The following RARB variants were observed in gnomAD, a reference collection of about 807,000 sequenced individuals.
RARB encodes the protein HBV-activated protein.
In RARB, 17 loss-of-function variants were observed where a neutral mutation model predicts 51.9. The ratio of observed to expected loss-of-function variants is 0.33; its 90% CI spans 0.22 to 0.49. The LOEUF is 0.49. Among genes scored for constraint, RARB ranks in the 20% least tolerant of loss-of-function variants. RARB has a pLI of 0.99. For synonymous variants in RARB, 215 were observed against 195.4 expected (o/e 1.10, Z -0.84); for missense variants, 369 against 550.8 (o/e 0.67, Z 3.30).
chr3:24,942,198 C>G (rs938080182), intron 2 of RARB, among the ~76,000 whole-genome samples: 4 of 152,180 alleles, frequency 2.6e-5, no homozygotes, highest in Admixed American at 1.3e-4. Context: ...ACTAAAGATT[C>G]ACTTATTTTA....
intron 2 of RARB, among the ~76,000 whole-genome samples, chr3:24,972,916 A>T (rs745449090): frequency 2.0e-5 from 3 of 151,934 alleles, no homozygotes; most frequent in Non-Finnish European, 4.4e-5. Context: ...ATTTTCTCTC[A>T]TTCAATATGT....
At chr3:25,283,173 G>A (rs904070525) in intron 5 of RARB, among the ~76,000 whole-genome samples, 2 of 152,170 alleles carry the variant, frequency 1.3e-5, no homozygotes, top group Non-Finnish European at 2.9e-5. Flanking sequence ...CTGCTCACAG[G>A]ATAGTATTAA....
intron 5 of RARB, among the ~76,000 whole-genome samples, chr3:25,591,014 G>A (rs1049682448): frequency 6.6e-6 from 1 of 152,158 alleles, no homozygotes; most frequent in Non-Finnish European, 1.5e-5. Flanking sequence ...CATTGGGAAT[G>A]GCTTCATACC....
intron 3 of RARB, among the ~76,000 whole-genome samples, chr3:25,098,368 T>C (rs1699339593): frequency 6.6e-6 from 1 of 152,180 alleles, no homozygotes; most frequent in African/African-American, 2.4e-5. Flanking sequence ...ACTTAGAAGT[T>C]TGAGATCTCT....
intron 5 of RARB, among the ~76,000 whole-genome samples, chr3:25,413,061 AC>A (rs1438997732): frequency 1.3e-5 from 2 of 151,872 alleles, no homozygotes; most frequent in African/African-American, 4.8e-5. Flanking sequence ...AAAAAATATG[AC>A]CCGAACACCA....
intron 4 of RARB, among the ~76,000 whole-genome samples, chr3:25,160,714 A>G (rs1700460320): frequency 6.6e-6 from 1 of 152,286 alleles, no homozygotes; most frequent in East Asian, 1.9e-4. Context: ...ATAGCTCTGG[A>G]GGTCAGAAGT....
chr3:25,189,768 G>A (rs368277083), intron 5 of RARB, among the ~76,000 whole-genome samples: 8 of 151,934 alleles, frequency 5.3e-5, no homozygotes, highest in Admixed American at 2.6e-4. Flanking sequence ...GCCTGTAATC[G>A]CAGATACTCA....
At chr3:25,074,984 A>G (rs1453820702) in intron 3 of RARB, among the ~76,000 whole-genome samples, 1 of 152,214 alleles carries the variant, frequency 6.6e-6, no homozygotes, top group Non-Finnish European at 1.5e-5. Context: ...TCAGCAAAGA[A>G]AGTTAATTTT....
chr3:25,029,616 C>T (rs7621283), intron 2 of RARB, among the ~76,000 whole-genome samples: 129,775 of 152,190 alleles, frequency 0.85, 55,513 homozygotes, highest in East Asian at 0.91. Flanking sequence ...CTCCACGTGA[C>T]TCTGACCTAT....
At chr3:25,538,791 C>T (rs745380170) in intron 3 of RARB, among the ~76,000 whole-genome samples, 22 of 152,236 alleles carry the variant, frequency 1.4e-4, no homozygotes, top group Non-Finnish European at 2.8e-4. Flanking sequence ...GGTGCAACAC[C>T]GAATGAGATG....
At chr3:25,283,426 C>A (rs557600611) in intron 5 of RARB, among the ~76,000 whole-genome samples, 1 of 152,330 alleles carries the variant, frequency 6.6e-6, no homozygotes, top group South Asian at 2.1e-4. Context: ...CCTTCTCTAT[C>A]TCGGGCCTGA....
intron 2 of RARB, among the ~76,000 whole-genome samples, chr3:24,907,174 C>T (rs1475948030): frequency 6.6e-6 from 1 of 152,170 alleles, no homozygotes. Context: ...GGGCAAACCC[C>T]TGAGGAACCA....
At chr3:25,489,534 A>C (rs1294903124) in intron 2 of RARB, among the ~76,000 whole-genome samples, 1 of 152,222 alleles carries the variant, frequency 6.6e-6, no homozygotes, top group Non-Finnish European at 1.5e-5. Context: ...ACTCCATCAC[A>C]AAAAAAGATT....
intron 5 of RARB, among the ~76,000 whole-genome samples, chr3:25,223,196 G>A (rs961309926): frequency 1.7e-4 from 26 of 152,086 alleles, no homozygotes; most frequent in African/African-American, 6.3e-4. Flanking sequence ...CAACCACTCA[G>A]TTCCTTTCTG....
At chr3:24,938,071 G>C (rs754495396) in intron 2 of RARB, among the ~76,000 whole-genome samples, 20 of 152,106 alleles carry the variant, frequency 1.3e-4, no homozygotes, top group Non-Finnish European at 2.8e-4. Context: ...GATTTGCATG[G>C]TGGTGGTGGT....
intron 4 of RARB, among the ~76,000 whole-genome samples, chr3:25,173,113 G>T (rs1312278632): frequency 6.6e-6 from 1 of 152,112 alleles, no homozygotes; most frequent in Non-Finnish European, 1.5e-5. Context: ...CTTAATATTG[G>T]TTATCAGGGC....
chr3:25,408,162 A>G (rs1707464384), intron 5 of RARB, among the ~76,000 whole-genome samples: 1 of 152,160 alleles, frequency 6.6e-6, no homozygotes. Context: ...ACTACACTGA[A>G]CAGGCTCTGT....
chr3:25,142,996 G>T (rs1575179811), intron 4 of RARB, among the ~76,000 whole-genome samples: 1 of 152,140 alleles, frequency 6.6e-6, no homozygotes, highest in Non-Finnish European at 1.5e-5. Flanking sequence ...GAATTTTCTG[G>T]ACTATTTCTG....
chr3:24,999,310 C>G (rs907948810), intron 2 of RARB, among the ~76,000 whole-genome samples: 90 of 152,180 alleles, frequency 5.9e-4, no homozygotes, highest in African/African-American at 2.1e-3. Flanking sequence ...CTCCAAAAAC[C>G]CTTTCTACCC....
Sources: allele counts gnomAD v4.1 joint callset (sites outside exome capture counted in the v4.1 genomes callset), GRCh38; gene constraint gnomAD v4.1.1; transcripts MANE v1.5; gene names NCBI Gene and HGNC (gene_info 2026-07-23, HGNC 2026-07-21).